The following SLC6A13 variants were observed in gnomAD, a reference collection of about 807,000 sequenced individuals.
SLC6A13 encodes the protein solute carrier family 6 member 13.
A neutral mutation model predicts 72.9 loss-of-function variants in SLC6A13; 69 were observed. That is an observed-to-expected ratio of 0.95 (90% CI 0.78 to 1.16). SLC6A13 has a LOEUF of 1.16. SLC6A13 is among the 50% of genes most tolerant of loss of function. SLC6A13 has a pLI of 0.00. For missense variants in SLC6A13, 735 were observed against 760.5 expected (o/e 0.97, Z 0.39); for synonymous variants, 303 against 303.0 (o/e 1.00, Z 0.00).
At chr12:225,444 G>A (rs980826359) in intron 9 of SLC6A13, among the ~76,000 whole-genome samples, 1 of 152,222 alleles carries the variant, frequency 6.6e-6, no homozygotes, top group Non-Finnish European at 1.5e-5. Context: ...GAGGCCAGAG[G>A]TTCAAGACCA....
In SLC6A13 at chr12:245,270, G is replaced by T. The variant is rs550468806; in HGVS notation, c.203-1457C>A. On this transcript the variant is annotated intron_variant, in intron 2 of 14. Transcript: ENST00000343164. ...AGAAGGGCATTTCCTCAGTAACGGGGAATAATTATCCCTAGACCGAGCACA... is the reference window on the plus strand; with the variant it reads ...AGAAGGGCATTTCCTCAGTAACGGGTAATAATTATCCCTAGACCGAGCACA... Among the ~76,000 whole-genome samples, 8 of 152,318 alleles carry T rather than the reference G, an allele frequency of 5.3e-5. No individual in the cohort carries two copies. The East Asian group carries it at 1.5e-3, about 29-fold the overall frequency.
In SLC6A13 at chr12:222,512, T is replaced by G; in HGVS notation, c.1515+20A>C. 1.3e-6 allele frequency: 2 copies of G among 1,531,380 alleles called. No homozygotes were observed. The highest frequency in any genetic ancestry group is 3.4e-4 in the Middle Eastern group (2 of 5,868). The allele number at this position is 1,531,380 out of a possible 1,614,324, so 94.9% of individuals were successfully genotyped here. On this transcript the variant is annotated intron_variant, in intron 13 of 14. Coordinates refer to ENST00000343164, the MANE Select transcript of SLC6A13 (RefSeq NM_016615.5). Reference sequence around the variant, plus strand: ...GTCTCTCCCTCCCTTCATCTGACTTTATCCCTGAAATGATCTTACTGTGCA... The same window carrying G: ...GTCTCTCCCTCCCTTCATCTGACTTGATCCCTGAAATGATCTTACTGTGCA...
chr12:247,522 A>T (rs1157155083), intron 2 of SLC6A13, among the ~76,000 whole-genome samples: 7 of 152,352 alleles, frequency 4.6e-5, no homozygotes, highest in African/African-American at 1.7e-4. Flanking sequence ...GGAAAGTGAA[A>T]TAACTGTTTC....
Position 237,830 on chromosome 12 carries a change from C to T in SLC6A13, c.563+96G>A. The T allele has an allele frequency of 3.3e-6, 3 of 910,040 alleles. No individual in the cohort carries two copies. In the South Asian group the frequency reaches 4.3e-5, roughly 13 times the overall value. 56.4% of individuals were successfully genotyped at this position (910,040 alleles called of 1,614,324 possible). ...AAAGCCACTTAGTGGAAATTCTTCC[C>T]TTGCTGTCCATTGAGAGTGACCTTG... On this transcript the variant is annotated intron_variant, in intron 5 of 14. Transcript: ENST00000343164.
At chr12:249,709 C>T (rs1421615353) in intron 2 of SLC6A13, among the ~76,000 whole-genome samples, 1 of 152,064 alleles carries the variant, frequency 6.6e-6, no homozygotes, top group Non-Finnish European at 1.5e-5. Flanking sequence ...TACACAAACT[C>T]TTCCAAAAAA....
chr12:237,534 C>G (rs958365415), intron 5 of SLC6A13, among the ~76,000 whole-genome samples: 1 of 151,510 alleles, frequency 6.6e-6, no homozygotes, highest in East Asian at 1.9e-4. Flanking sequence ...GTGCAGGCAC[C>G]TATGTTTCCA....
chr12:230,299 G>A (rs761780421), intron 7 of SLC6A13, among the ~76,000 whole-genome samples: 3 of 152,206 alleles, frequency 2.0e-5, no homozygotes, highest in Non-Finnish European at 4.4e-5. Flanking sequence ...GACTCTAGAA[G>A]ATCTGGGAAA....
Position 227,570 on chromosome 12 carries a change from G to C in SLC6A13, c.930C>G (p.Cys310Trp), listed in dbSNP as rs954592586. 1 of 1,614,000 alleles carries C rather than the reference G, an allele frequency of 6.2e-7. No homozygotes were observed. The highest frequency in any genetic ancestry group is 1.7e-4 in the Middle Eastern group (1 of 5,998). Residue 310 changes from cysteine (C) to tryptophan (W), a missense_variant, in exon 8 of 15, where the codon TGC (cysteine) becomes TGG (tryptophan). Cys to Trp is a radical substitution (Grantham distance 215, BLOSUM62 -2). Coordinates refer to ENST00000343164, the MANE Select transcript of SLC6A13 (RefSeq NM_016615.5). ...LGSYNKYHNNCYRDCIALCFL... is the reference protein window; with the variant it reads ...LGSYNKYHNNWYRDCIALCFL... The stretch of plus-strand genomic sequence containing the variant: ...GGCCCCACGCCCCCAATCACCTGTA[G>C]CAGTTGTTGTGGTACTTGTTGTAGC...
At chr12:252,302 T>A (rs1332479918) in intron 2 of SLC6A13, among the ~76,000 whole-genome samples, 2 of 152,210 alleles carry the variant, frequency 1.3e-5, no homozygotes, top group African/African-American at 4.8e-5. Flanking sequence ...AGTTTGCATT[T>A]AGCATAATTA....
At chr12:259,560 G>A in intron 2 of SLC6A13, 1 of 1,392,696 alleles carries the variant, frequency 7.2e-7, no homozygotes, top group South Asian at 1.8e-5. Flanking sequence ...ACTTGTCCAA[G>A]ATCACACAGA....
intron 14 of SLC6A13, 73 bp downstream of exon 14, chr12:221,303 T>C: frequency 6.9e-7 from 1 of 1,457,242 alleles, no homozygotes; most frequent in Non-Finnish European, 9.2e-7. Context: ...GCGCCCTGGC[T>C]GGCAGCCCAC....
intron 7 of SLC6A13, among the ~76,000 whole-genome samples, chr12:232,130 C>T (rs548371956): frequency 1.4e-4 from 22 of 152,296 alleles, no homozygotes; most frequent in Admixed American, 1.3e-4. Context: ...AGAGTAAGCA[C>T]GCCCTAGTTG....
At chr12:255,141 G>A (rs1251961423) in intron 2 of SLC6A13, among the ~76,000 whole-genome samples, 6 of 152,142 alleles carry the variant, frequency 3.9e-5, no homozygotes, top group South Asian at 2.1e-4. Context: ...AGAAGTGGTC[G>A]GGTCCTGCAC....
intron 1 of SLC6A13, among the ~76,000 whole-genome samples, chr12:261,558 T>C (rs1168246789): frequency 6.6e-6 from 1 of 152,250 alleles, no homozygotes; most frequent in Non-Finnish European, 1.5e-5. Context: ...GCAAAGTTCA[T>C]GTTAACAGAA....
Position 254,385 on chromosome 12 carries a change from T to G in SLC6A13, c.202+5466A>C, listed in dbSNP as rs1373339432. Among the ~76,000 whole-genome samples the G allele has an allele frequency of 6.6e-6, 1 of 152,098 alleles. No homozygotes were observed. The highest frequency in any genetic ancestry group is 1.5e-5 in the Non-Finnish European group (1 of 68,010). On this transcript the variant is annotated intron_variant, in intron 2 of 14. Coordinates refer to ENST00000343164, the MANE Select transcript of SLC6A13 (RefSeq NM_016615.5). The surrounding 1 kb of genome is among the most constrained non-coding windows in gnomAD (Gnocchi z 4.4). Reference sequence around the variant, plus strand: ...AATTCCTTTCTCCCATCTCCCCCATTATCTTAAATCCATTTCAATCAGTCA... The same window carrying G: ...AATTCCTTTCTCCCATCTCCCCCATGATCTTAAATCCATTTCAATCAGTCA...
At chr12:226,072 A>G (rs975241743) in intron 9 of SLC6A13, among the ~76,000 whole-genome samples, 2 of 152,198 alleles carry the variant, frequency 1.3e-5, no homozygotes, top group Admixed American at 6.5e-5. Flanking sequence ...TATTGCATGT[A>G]TATGTCTGTA....
chr12:233,033 T>G (rs1347098162), intron 7 of SLC6A13, among the ~76,000 whole-genome samples: 2 of 152,244 alleles, frequency 1.3e-5, no homozygotes, highest in African/African-American at 4.8e-5. Flanking sequence ...GGTGCCCGAC[T>G]ATTTTAAACG....
chr12:227,556 C>G lies in SLC6A13; in HGVS notation c.935+9G>C. On this transcript the variant is annotated intron_variant, in intron 8 of 14. Coordinates refer to ENST00000343164, the MANE Select transcript of SLC6A13 (RefSeq NM_016615.5). Reference sequence around the variant, plus strand: ...AGGTGTGTGGCTCAGGCCCCACGCCCCCAATCACCTGTAGCAGTTGTTGTG... The same window carrying G: ...AGGTGTGTGGCTCAGGCCCCACGCCGCCAATCACCTGTAGCAGTTGTTGTG... The G allele has an allele frequency of 6.2e-7, 1 of 1,613,778 alleles. No homozygotes were observed. Among genetic ancestry groups the G allele is most frequent in the Non-Finnish European group, 8.5e-7 (1 of 1,179,864 alleles).
intron 7 of SLC6A13, among the ~76,000 whole-genome samples, chr12:234,121 A>G (rs905396846): frequency 1.3e-5 from 2 of 151,990 alleles, no homozygotes; most frequent in African/African-American, 4.8e-5. Flanking sequence ...TTGCACGCTC[A>G]CTCCCCCGGC....
Sources: allele counts gnomAD v4.1 joint callset (sites outside exome capture counted in the v4.1 genomes callset), GRCh38; gene constraint gnomAD v4.1.1; non-coding constraint Gnocchi (gnomAD v3.1); transcripts MANE v1.5; gene names NCBI Gene and HGNC (gene_info 2026-07-23, HGNC 2026-07-21).